The following ZFR2 variants were observed in gnomAD, a reference collection of about 807,000 sequenced individuals.
ZFR2 encodes the protein zinc finger RNA binding protein 2, also known as zinc finger RNA-binding protein 2.
ZFR2 carries 104 observed loss-of-function variants against 105.7 expected under a neutral mutation model. The observed-to-expected ratio is 0.98, with a 90% CI of 0.84 to 1.16. The LOEUF (loss-of-function observed/expected upper bound fraction) is 1.16. ZFR2 is among the 50% of genes most tolerant of loss of function. ZFR2 has a pLI of 0.00. For synonymous variants in ZFR2, 634 were observed against 597.7 expected (o/e 1.06, Z -0.89); for missense variants, 1,425 against 1,355.5 (o/e 1.05, Z -0.80).
rs559920181 is a variant in ZFR2, at chr19:3,847,965, G to A, written c.54-12982C>T. Among the ~76,000 whole-genome samples, 154 of 152,326 alleles carry A rather than the reference G, an allele frequency of 1.0e-3. No homozygotes were observed. The Middle Eastern group carries it at 0.01, about 10-fold the overall frequency. On this transcript the variant is annotated intron_variant, in intron 1 of 18. Coordinates refer to ENST00000262961, the MANE Select transcript of ZFR2 (RefSeq NM_015174.2). ...GACAGGACAGGATGGAGACTGGGAGGACACCCACAGGCCCTCTCTTTGGTT... is the reference window on the plus strand; with the variant it reads ...GACAGGACAGGATGGAGACTGGGAGAACACCCACAGGCCCTCTCTTTGGTT...
At chr19:3,810,724 G>A in intron 16 of ZFR2, 26 bp downstream of exon 16, 1 of 1,541,930 alleles carries the variant, frequency 6.5e-7, no homozygotes, top group Non-Finnish European at 8.8e-7. Context: ...CCCAGTGGAG[G>A]GCCGGGCCGC....
At chr19:3,806,161 C>T (rs1419516212) in intron 18 of ZFR2, 36 bp from the exon 19 acceptor site, 5 of 1,399,164 alleles carry the variant, frequency 3.6e-6, no homozygotes, top group Middle Eastern at 1.9e-4. Flanking sequence ...GACCCCCGCC[C>T]GCTCTGCTCC....
chr19:3,844,022 G>GT, intron 1 of ZFR2, among the ~76,000 whole-genome samples: 1 of 148,024 alleles, frequency 6.8e-6, no homozygotes, highest in Non-Finnish European at 1.5e-5. Context: ...GTGGGGGGGG[G>GT]GGTGCCAGGG....
chr19:3,805,881 A>G lies in ZFR2; in HGVS notation c.*68T>C. ...GTCCAACGTCGGGGATGAAGCAGCC[A>G]TTGGTCGGCGCGCACACGTCCAGGA... On this transcript the variant is annotated 3_prime_UTR_variant, in exon 19 of 19. Transcript: ENST00000262961. The G allele has an allele frequency of 1.4e-6, 2 of 1,417,212 alleles. No homozygotes were observed. Among genetic ancestry groups the G allele is most frequent in the East Asian group, 2.8e-5 (1 of 35,898 alleles). The allele number at this position is 1,417,212 out of a possible 1,614,324, so 87.8% of individuals were successfully genotyped here.
In ZFR2 at chr19:3,814,054, G is replaced by C. The variant is rs80067393; in HGVS notation, c.2104-96C>G. The C allele has an allele frequency of 2.6e-6, 4 of 1,530,660 alleles. No individual in the cohort carries two copies. In the African/African-American group the frequency reaches 5.5e-5, roughly 21 times the overall value. The allele number at this position is 1,530,660 out of a possible 1,614,324, so 94.8% of individuals were successfully genotyped here. A position where few individuals can be genotyped will look rare whatever the true frequency, so the allele number is the denominator to read the frequency against. On this transcript the variant is annotated intron_variant, in intron 13 of 18. Transcript: ENST00000262961. ...TGGTTGGTGTGTGTAAATTAATCCCGTCGGGCCTCCCACACTTGCTGCCTG... is the reference window on the plus strand; with the variant it reads ...TGGTTGGTGTGTGTAAATTAATCCCCTCGGGCCTCCCACACTTGCTGCCTG...
At chr19:3,832,228 T>C (rs961261019) in intron 3 of ZFR2, among the ~76,000 whole-genome samples, 1 of 152,130 alleles carries the variant, frequency 6.6e-6, no homozygotes, top group African/African-American at 2.4e-5. Context: ...CTTTCCTTCA[T>C]TCATAGGCCC....
At chr19:3,840,985 TACAC>T (rs112710895) in intron 1 of ZFR2, among the ~76,000 whole-genome samples, 2 of 152,100 alleles carry the variant, frequency 1.3e-5, no homozygotes, top group African/African-American at 4.8e-5. Flanking sequence ...ATCACACACA[TACAC>T]ACACACATGT....
At chr19:3,825,097 G>T in intron 7 of ZFR2, 133 bp downstream of exon 7, 4 of 1,086,278 alleles carry the variant, frequency 3.7e-6, no homozygotes, top group Non-Finnish European at 4.9e-6. Context: ...GGGAGAGACG[G>T]CACCAGCCAG....
At chr19:3,864,954 G>A (rs1192818556) in intron 1 of ZFR2, among the ~76,000 whole-genome samples, 1 of 151,870 alleles carries the variant, frequency 6.6e-6, no homozygotes, top group Non-Finnish European at 1.5e-5. Context: ...TCACCATGTT[G>A]GCCAGGCTGG....
chr19:3,856,548 T>A (rs1357627530), intron 1 of ZFR2, among the ~76,000 whole-genome samples: 1 of 152,090 alleles, frequency 6.6e-6, no homozygotes, highest in Non-Finnish European at 1.5e-5. Context: ...CCTGTCCCCA[T>A]CAACATTCTC....
chr19:3,808,941 C>T lies in ZFR2; in HGVS notation c.2476G>A (p.Gly826Arg). The T allele has an allele frequency of 1.3e-6, 2 of 1,572,094 alleles. No individual in the cohort carries two copies. The highest frequency in any genetic ancestry group is 8.6e-7 in the Non-Finnish European group (1 of 1,160,980). The change falls in exon 17 of 19, where the codon GGG (glycine) becomes AGG (arginine). Residue 826 changes from glycine (G) to arginine (R), a missense_variant. Transcript: ENST00000262961. ...LVEKAVSSAA[G>R]PLGPGDAVRR... ...ACTGCATCCCCGGGGCCCAGGGGCC[C>T]AGCCGCACTGCTCACAGCCTTCTCC...
chr19:3,806,398 G>A (rs929294107), intron 18 of ZFR2, among the ~76,000 whole-genome samples: 1 of 152,234 alleles, frequency 6.6e-6, no homozygotes, highest in Non-Finnish European at 1.5e-5. Context: ...AAGTAGCTGG[G>A]ATTACAGGCG....
At chr19:3,839,744 A>C (rs180831381) in intron 1 of ZFR2, among the ~76,000 whole-genome samples, 28 of 152,174 alleles carry the variant, frequency 1.8e-4, no homozygotes, top group African/African-American at 6.7e-4. Context: ...TTAAATACAG[A>C]GAATTGAAGC....
At chr19:3,844,459 C>T (rs1386281377) in intron 1 of ZFR2, among the ~76,000 whole-genome samples, 1 of 152,018 alleles carries the variant, frequency 6.6e-6, no homozygotes, top group Non-Finnish European at 1.5e-5. Flanking sequence ...CCTCCACCTC[C>T]TGGGTTCAAG....
chr19:3,812,474 T>TG lies in ZFR2; in HGVS notation c.2243-1109dup, dbSNP rs1194651377. On this transcript the variant is annotated intron_variant, in intron 14 of 18. Transcript: ENST00000262961. ...AAGGCCGACAGGAAGTGCACTTTCCTGGGGGGCGGCTCACGGGGCTCTTCT... is the reference window on the plus strand; with the variant it reads ...AAGGCCGACAGGAAGTGCACTTTCCTGGGGGGGCGGCTCACGGGGCTCTTCT... Among the ~76,000 whole-genome samples the TG allele has an allele frequency of 3.9e-5, 6 of 152,146 alleles. No individual in the cohort carries two copies. In the East Asian group the frequency reaches 9.7e-4, roughly 25 times the overall value.
At chr19:3,841,607 C>A (rs1451417578) in intron 1 of ZFR2, among the ~76,000 whole-genome samples, 1 of 151,618 alleles carries the variant, frequency 6.6e-6, no homozygotes, top group East Asian at 2.0e-4. Context: ...GTCACTTGAG[C>A]CCAGGAATTT....
chr19:3,826,540 A>G (rs1322512482), intron 6 of ZFR2, among the ~76,000 whole-genome samples: 2 of 151,756 alleles, frequency 1.3e-5, no homozygotes, highest in Non-Finnish European at 2.9e-5. Context: ...GGTTCAAGCA[A>G]TTCTCCTGCC....
Position 3,806,090 on chromosome 19 carries a change from G to T in ZFR2, c.2679C>A (p.His893Gln). The change falls in exon 19 of 19, where the codon CAC (histidine) becomes CAA (glutamine). Residue 893 changes from histidine (H) to glutamine (Q), a missense_variant. His to Gln is a conservative substitution (Grantham distance 24). Coordinates refer to ENST00000262961, the MANE Select transcript of ZFR2 (RefSeq NM_015174.2). ...ALRMLAFRQT[H>Q]KVLGMDLLPP... ...GCAGGAGATCCATGCCCAGGACCTT[G>T]TGGGTCTGCCGGAAGGCCAGCATTC... 6.7e-7 allele frequency: 1 copy of T among 1,499,152 alleles called. No individual in the cohort carries two copies. The highest frequency in any genetic ancestry group is 1.3e-5 in the South Asian group (1 of 77,666). The allele number at this position is 1,499,152 out of a possible 1,614,324, so 92.9% of individuals were successfully genotyped here.
intron 1 of ZFR2, among the ~76,000 whole-genome samples, chr19:3,867,305 G>GA (rs920814195): frequency 5.3e-3 from 54 of 10,242 alleles, no homozygotes; most frequent in Non-Finnish European, 7.0e-3. Context: ...ATCAACTGTT[G>GA]GGGGGGGAAT....
Sources: gnomAD v4.1 joint callset for allele counts (sites outside exome capture counted in the v4.1 genomes callset) on GRCh38, gnomAD v4.1.1 for gene constraint, MANE v1.5 for transcripts, NCBI Gene and HGNC (gene_info 2026-07-23, HGNC 2026-07-21) for gene names.